The following KDM1B variants were observed in gnomAD, a reference collection of about 807,000 sequenced individuals.
The protein encoded by KDM1B is lysine-specific histone demethylase 2.
Under a neutral mutation model 107.4 loss-of-function variants are expected in KDM1B, and 63 were observed. The ratio of observed to expected loss-of-function variants is 0.59; its 90% CI spans 0.48 to 0.72. The LOEUF (loss-of-function observed/expected upper bound fraction) is 0.72, where lower values mean the gene tolerates loss of function less well. KDM1B is among the 30% of genes least tolerant of loss of function. KDM1B has a pLI of 0.00. For missense variants in KDM1B, 749 were observed against 1,020.8 expected (o/e 0.73, Z 3.63); for synonymous variants, 363 against 363.9 (o/e 1.00, Z 0.03).
chr6:18,175,266 G>C (rs558338513), intron 7 of KDM1B, among the ~76,000 whole-genome samples: 5 of 152,120 alleles, frequency 3.3e-5, no homozygotes, highest in Admixed American at 6.6e-5. Context: ...TCATATGTTT[G>C]TTGGCCATTT....
intron 7 of KDM1B, among the ~76,000 whole-genome samples, chr6:18,183,609 G>A (rs1253775999): frequency 2.6e-5 from 4 of 151,946 alleles, no homozygotes; most frequent in East Asian, 3.9e-4. Flanking sequence ...GGGTTAATAC[G>A]TATTTCTGAA....
At chr6:18,198,294 A>G (rs1582169292) in intron 12 of KDM1B, among the ~76,000 whole-genome samples, 1 of 152,252 alleles carries the variant, frequency 6.6e-6, no homozygotes, top group East Asian at 1.9e-4. Context: ...TAGCATGGAT[A>G]TTCATTATTC....
intron 17 of KDM1B, among the ~76,000 whole-genome samples, chr6:18,208,603 G>GTATAAATATATATA (rs1788557553): frequency 2.9e-5 from 1 of 34,896 alleles, no homozygotes; most frequent in Admixed American, 5.7e-4. Flanking sequence ...GTATGTGTAT[G>GTATAAATATATATA]TATATATATA....
chr6:18,163,017 C>A, intron 5 of KDM1B, 93 bp downstream of exon 5: 2 of 759,802 alleles, frequency 2.6e-6, no homozygotes, highest in Non-Finnish European at 4.7e-6. Context: ...AGTCTCGAGG[C>A]TTACTGAATT....
intron 9 of KDM1B, among the ~76,000 whole-genome samples, chr6:18,189,640 T>C (rs1787142018): frequency 6.6e-6 from 1 of 152,164 alleles, no homozygotes; most frequent in Non-Finnish European, 1.5e-5. Flanking sequence ...ATTGTACACA[T>C]TAAAAAGCAG....
chr6:18,207,544 C>T lies in KDM1B; in HGVS notation c.1791+15C>T, dbSNP rs370689430. ...TCAAATCTCCAGTGAGTATCAACTG[C>T]TGGGAGGCTCTGGCTCGCCTTGTTT... On this transcript the variant is annotated intron_variant, in intron 16 of 21. Coordinates refer to ENST00000650836, the MANE Select transcript of KDM1B (RefSeq NM_001364614.2). 1.2e-6 allele frequency: 2 copies of T among 1,613,714 alleles called. No individual in the cohort carries two copies. The highest frequency in any genetic ancestry group is 1.7e-6 in the Non-Finnish European group (2 of 1,179,612).
chr6:18,184,201 G>T, intron 7 of KDM1B, among the ~76,000 whole-genome samples: 1 of 145,524 alleles, frequency 6.9e-6, no homozygotes, highest in Non-Finnish European at 1.5e-5. Context: ...ATATAGTTTT[G>T]TTTTGTTTTG....
rs530492780 is a variant in KDM1B at position 18,202,858 on chromosome 6, T to C, written c.1531+1201T>C. On this transcript the variant is annotated intron_variant, in intron 14 of 21. Transcript: ENST00000650836. ...GTAATCGTCCTTAGTAAGTTTTGAC[T>C]GATATACTACAAGAGAACATTTTCA... Among the ~76,000 whole-genome samples the C allele has an allele frequency of 1.2e-4, 19 of 152,332 alleles. No homozygotes were observed. The South Asian group carries it at 2.9e-3, about 23-fold the overall frequency.
At chr6:18,184,281 T>C (rs972455366) in intron 7 of KDM1B, among the ~76,000 whole-genome samples, 6 of 147,632 alleles carry the variant, frequency 4.1e-5, no homozygotes, top group Admixed American at 4.1e-4. Context: ...TTCTTTTTTT[T>C]TTTTTTTTTT....
chr6:18,213,333 T>G lies in KDM1B; in HGVS notation c.1984-323T>G, dbSNP rs777420719. On this transcript the variant is annotated intron_variant, in intron 18 of 21. Coordinates refer to ENST00000650836, the MANE Select transcript of KDM1B (RefSeq NM_001364614.2). This position sits in a 1 kb window ranked among gnomAD's most constrained non-coding sequence, Gnocchi z 5.9. ...CACCTGTAATCCCAGCTACTTGGGATGCTGAGGCAGGAGAATCACTCGAAA... is the reference window on the plus strand; with the variant it reads ...CACCTGTAATCCCAGCTACTTGGGAGGCTGAGGCAGGAGAATCACTCGAAA... Among the ~76,000 whole-genome samples, 3 of 151,562 alleles carry G rather than the reference T, an allele frequency of 2.0e-5. No homozygotes were observed. Among genetic ancestry groups the G allele is most frequent in the Non-Finnish European group, 4.4e-5 (3 of 67,904 alleles).
intron 7 of KDM1B, among the ~76,000 whole-genome samples, chr6:18,178,725 T>G (rs573652353): frequency 6.6e-6 from 1 of 152,372 alleles, no homozygotes; most frequent in Non-Finnish European, 1.5e-5. Context: ...TTTCAAGTTG[T>G]GCACTGTTGC....
At position 18,192,638 on chromosome 6, in the gene KDM1B, T is replaced by C. The variant is rs114564838; in HGVS notation, c.969+1257T>C. ...ATAAGTAAATTATAAAGAGTGGTGG[T>C]GTGGCCCTGTAGTCCCAGCTACTTG... On this transcript the variant is annotated intron_variant, in intron 10 of 21. Coordinates refer to ENST00000650836, the MANE Select transcript of KDM1B (RefSeq NM_001364614.2). Among the ~76,000 whole-genome samples, 738 of 151,714 alleles carry C rather than the reference T, an allele frequency of 4.9e-3. 8 individuals are homozygous for C. The highest frequency in any genetic ancestry group is 0.016 in the African/African-American group (675 of 41,372).
At chr6:18,206,131 G>C (rs1187486749) in intron 15 of KDM1B, among the ~76,000 whole-genome samples, 1 of 148,254 alleles carries the variant, frequency 6.7e-6, no homozygotes, top group Non-Finnish European at 1.5e-5. Context: ...ACCCCACAGT[G>C]GTTTTGGTTG....
At chr6:18,171,257 C>T (rs1431189277) in intron 6 of KDM1B, 106 bp from the exon 7 acceptor site, 1 of 740,588 alleles carries the variant, frequency 1.4e-6, no homozygotes. Flanking sequence ...AGAAAAAATA[C>T]TTAGGATTGC....
chr6:18,165,736 C>G (rs1170044069), intron 5 of KDM1B, among the ~76,000 whole-genome samples: 1 of 152,190 alleles, frequency 6.6e-6, no homozygotes, highest in African/African-American at 2.4e-5. Flanking sequence ...GCATAAGAAT[C>G]CCTTGAACCC....
intron 6 of KDM1B, 36 bp downstream of exon 6, chr6:18,166,414 T>G: frequency 8.1e-7 from 1 of 1,233,452 alleles, no homozygotes; most frequent in Admixed American, 1.7e-5. Flanking sequence ...GTGAAGTATT[T>G]GTGGAGCCAA....
intron 7 of KDM1B, among the ~76,000 whole-genome samples, chr6:18,182,796 G>A (rs932896330): frequency 2.0e-5 from 3 of 152,132 alleles, no homozygotes; most frequent in Admixed American, 1.3e-4. Context: ...CTCCCAAAGT[G>A]CTGGGATCAC....
intron 20 of KDM1B, among the ~76,000 whole-genome samples, chr6:18,216,119 G>A (rs899828313): frequency 5.9e-5 from 9 of 151,946 alleles, no homozygotes; most frequent in East Asian, 1.9e-4. Context: ...TCACTCTTTC[G>A]CCCAGGCTGG....
Position 18,213,784 on chromosome 6 carries a change from A to G in KDM1B, c.2109+3A>G. 11 of 1,614,072 alleles carry G rather than the reference A, an allele frequency of 6.8e-6. No individual in the cohort carries two copies. The highest frequency in any genetic ancestry group is 9.3e-6 in the Non-Finnish European group (11 of 1,179,942). On this transcript the variant is annotated splice_donor_region_variant and intron_variant, in intron 19 of 21. Transcript: ENST00000650836. The surrounding 1 kb of genome is among the most constrained non-coding windows in gnomAD (Gnocchi z 5.9). Reference sequence around the variant, plus strand: ...TGTTCTATGACATGGATCCCCAGGTAAAATCATTCGTGAACTGTGGTTTGA... The same window carrying G: ...TGTTCTATGACATGGATCCCCAGGTGAAATCATTCGTGAACTGTGGTTTGA...
Sources: gnomAD v4.1 joint callset for allele counts (sites outside exome capture counted in the v4.1 genomes callset) on GRCh38, gnomAD v4.1.1 for gene constraint, Gnocchi (gnomAD v3.1) non-coding constraint, MANE v1.5 for transcripts, NCBI Gene and HGNC (gene_info 2026-07-23, HGNC 2026-07-21) for gene names.